Variants in SPATA31H1 observed in about 807,000 individuals in gnomAD.
SPATA31H1 encodes the protein SPATA31 subfamily H member 1.
the SPATA31H1 span, among the ~76,000 whole-genome samples, chr2:27,562,653 G>A: frequency 2.6e-5 from 4 of 151,522 alleles, no homozygotes; most frequent in South Asian, 2.1e-4. Flanking sequence ...TTGGGAGGCC[G>A]AGGCAGGTGG....
the SPATA31H1 span, among the ~76,000 whole-genome samples, chr2:27,543,960 AT>A: frequency 6.6e-6 from 1 of 151,758 alleles, no homozygotes; most frequent in South Asian, 2.1e-4. Flanking sequence ...GTTCCTGACA[AT>A]TTTTTTCAGT....
the SPATA31H1 span, among the ~76,000 whole-genome samples, chr2:27,549,445 C>T: frequency 2.6e-5 from 4 of 151,716 alleles, no homozygotes; most frequent in South Asian, 4.2e-4. Context: ...TCAAGTGATC[C>T]GACCACCTCA....
chr2:27,568,125 A>C, the SPATA31H1 span: 1 of 399,022 alleles, frequency 2.5e-6, no homozygotes, highest in Non-Finnish European at 4.4e-6. Context: ...GCTTCAAGTT[A>C]TGGATTCTAT....
the SPATA31H1 span, among the ~76,000 whole-genome samples, chr2:27,564,282 T>C: frequency 6.6e-6 from 1 of 152,184 alleles, no homozygotes; most frequent in Non-Finnish European, 1.5e-5. Context: ...CCAGTAAACA[T>C]GTAGCACTTT....
the SPATA31H1 span, among the ~76,000 whole-genome samples, chr2:27,547,179 T>TC: frequency 2.8e-5 from 4 of 144,670 alleles, no homozygotes; most frequent in Non-Finnish European, 1.5e-5. Context: ...ACTTTGATCT[T>TC]TTTTTTTTTT....
chr2:27,560,349 T>C, the SPATA31H1 span, among the ~76,000 whole-genome samples: 2 of 152,266 alleles, frequency 1.3e-5, no homozygotes, highest in East Asian at 3.9e-4. Context: ...TTTTTCATTC[T>C]ACTACATATA....
At chr2:27,562,960 T>C in the SPATA31H1 span, among the ~76,000 whole-genome samples, 1 of 152,060 alleles carries the variant, frequency 6.6e-6, no homozygotes, top group South Asian at 2.1e-4. Flanking sequence ...ACTTGGACTA[T>C]CTCTCCATTT....
the SPATA31H1 span, chr2:27,568,687 C>T: frequency 5.0e-6 from 2 of 398,826 alleles, no homozygotes; most frequent in East Asian, 3.6e-5. Flanking sequence ...GCGGAGTTGG[C>T]CCCAAAGCCA....
the SPATA31H1 span, chr2:27,576,188 TATG>T: frequency 2.5e-6 from 1 of 405,326 alleles, no homozygotes; most frequent in Non-Finnish European, 4.4e-6. Flanking sequence ...AATTTCAAGT[TATG>T]AAATTTTCTG....
chr2:27,569,931 C>T, the SPATA31H1 span: 3 of 398,750 alleles, frequency 7.5e-6, no homozygotes, highest in South Asian at 2.5e-4. Context: ...ACAACCCCCA[C>T]ATTATGGTGT....
chr2:27,558,920 AGGG>A, the SPATA31H1 span, among the ~76,000 whole-genome samples: 3 of 39,144 alleles, frequency 7.7e-5, no homozygotes, highest in Admixed American at 4.8e-4. Context: ...AGGGAGAGGG[AGGG>A]GGAGGGAGAG....
the SPATA31H1 span, among the ~76,000 whole-genome samples, chr2:27,537,854 G>C: frequency 6.6e-6 from 1 of 152,150 alleles, no homozygotes; most frequent in Non-Finnish European, 1.5e-5. Context: ...AGGTATAAAT[G>C]TTGCTGACAT....
the SPATA31H1 span, among the ~76,000 whole-genome samples, chr2:27,550,701 G>C: frequency 6.6e-6 from 1 of 151,810 alleles, no homozygotes; most frequent in Non-Finnish European, 1.5e-5. Flanking sequence ...TTATAAGCAT[G>C]AGTCACTGCG....
chr2:27,568,583 T>C, the SPATA31H1 span: 2 of 398,858 alleles, frequency 5.0e-6, no homozygotes, highest in Non-Finnish European at 8.8e-6. Context: ...AGTTGCAAGG[T>C]AGGAGATCTG....
chr2:27,574,576 C>T, the SPATA31H1 span: 17 of 398,426 alleles, frequency 4.3e-5, no homozygotes, highest in East Asian at 4.3e-4. Flanking sequence ...ACCTCAGGGA[C>T]AAGGCTTCAA....
chr2:27,579,690 A>T, the SPATA31H1 span: 1 of 1,614,220 alleles, frequency 6.2e-7, no homozygotes, highest in Non-Finnish European at 8.5e-7. Flanking sequence ...ATTTTACGAT[A>T]GAGAAGATCT....
chr2:27,542,438 GA>G, the SPATA31H1 span, among the ~76,000 whole-genome samples: 102 of 151,936 alleles, frequency 6.7e-4, no homozygotes, highest in Non-Finnish European at 1.1e-3. Flanking sequence ...TTCCTCTATT[GA>G]AGTAGCTACG....
At chr2:27,571,245 T>G in the SPATA31H1 span, 1 of 398,436 alleles carries the variant, frequency 2.5e-6, no homozygotes, top group South Asian at 1.3e-4. Flanking sequence ...AACCCCGGGC[T>G]CAAAGCTTCA....
the SPATA31H1 span, chr2:27,571,683 A>G: frequency 1.0e-5 from 4 of 398,368 alleles, no homozygotes; most frequent in African/African-American, 8.2e-5. Flanking sequence ...TGAAGAACTG[A>G]CCTCAGTCCC....
Sources: gnomAD v4.1 joint callset for allele counts (sites outside exome capture counted in the v4.1 genomes callset) on GRCh38, gnomAD v4.1.1 for gene constraint, MANE v1.5 for transcripts, NCBI Gene and HGNC (gene_info 2026-07-23, HGNC 2026-07-21) for gene names.